Variants in FYTTD1 observed in about 807,000 individuals in gnomAD.
FYTTD1 encodes the protein UAP56-interacting factor.
In FYTTD1, 22 loss-of-function variants were observed where a neutral mutation model predicts 40.9. That is an observed-to-expected ratio of 0.54 (90% CI 0.38 to 0.77). The LOEUF is 0.77. FYTTD1 is among the 30% of genes least tolerant of loss of function. FYTTD1 has a pLI of 0.00. For missense variants in FYTTD1, 351 were observed against 392.2 expected (o/e 0.90, Z 0.89); for synonymous variants, 140 against 137.9 (o/e 1.01, Z -0.10).
chr3:197,767,259 C>A (rs1026391150), intron 2 of FYTTD1, among the ~76,000 whole-genome samples: 1 of 152,030 alleles, frequency 6.6e-6, no homozygotes, highest in African/African-American at 2.4e-5. Context: ...CTGCCTCAGC[C>A]TCCCGAGTAG....
intron 2 of FYTTD1, among the ~76,000 whole-genome samples, chr3:197,762,340 C>T (rs578176680): frequency 8.8e-4 from 129 of 146,310 alleles, no homozygotes; most frequent in Non-Finnish European, 1.7e-3. Context: ...CCTGTAATCC[C>T]AGCACTTTGG....
Position 197,783,773 on chromosome 3 carries a change from G to A in FYTTD1, c.*1864G>A, listed in dbSNP as rs1204660025. 6.6e-6 allele frequency: 1 copy of A among 152,276 alleles called. No homozygotes were observed. Among genetic ancestry groups the A allele is most frequent in the East Asian group, 1.9e-4 (1 of 5,194 alleles). The allele number at this position is 152,276 out of a possible 1,614,324, so 9.4% of individuals were successfully genotyped here. ...CTTTAGAATGGTTTGTGAAAATATGGTATAAAGGTGTTTTCATTTTCCTGT... is the reference window on the plus strand; with the variant it reads ...CTTTAGAATGGTTTGTGAAAATATGATATAAAGGTGTTTTCATTTTCCTGT... On this transcript the variant is annotated 3_prime_UTR_variant, in exon 9 of 9. Coordinates refer to ENST00000241502, the MANE Select transcript of FYTTD1 (RefSeq NM_032288.7).
Position 197,749,920 on chromosome 3 carries a change from G to C in FYTTD1, c.-52G>C. On this transcript the variant is annotated 5_prime_UTR_variant, in exon 1 of 9. Transcript: ENST00000241502. ...TGCGTGCGCGAGTGGGAGGTGGCAG[G>C]CCTGCGACTCCGGCCTTGTCCGCGC... 8.1e-7 allele frequency: 1 copy of C among 1,228,714 alleles called. No homozygotes were observed. Among genetic ancestry groups the C allele is most frequent in the East Asian group, 3.1e-5 (1 of 32,370 alleles). 76.1% of individuals were successfully genotyped at this position (1,228,714 alleles called of 1,614,324 possible). A position where few individuals can be genotyped will look rare whatever the true frequency, so the allele number is the denominator to read the frequency against.
At position 197,781,840 on chromosome 3, in the gene FYTTD1, G is replaced by A. The variant is rs771898738; in HGVS notation, c.888G>A (p.Gly296=). The change falls in exon 9 of 9, where the codon GGG becomes GGA. Residue 296 remains glycine (G), a synonymous_variant. Transcript: ENST00000241502. The stretch of plus-strand genomic sequence containing the variant: ...GGATGACGTTGAATGAGCGGTTTGG[G>A]ATCCTGAAGGAACAAAGAGCCACTC... The part of the protein sequence containing the change: ...QTGMTLNERF[G]ILKEQRATLT... 2.5e-6 allele frequency: 4 copies of A among 1,609,458 alleles called. No individual in the cohort carries two copies. The highest frequency in any genetic ancestry group is 1.7e-4 in the Middle Eastern group (1 of 6,038).
At chr3:197,768,332 A>G (rs897608735) in intron 2 of FYTTD1, 107 bp from the exon 3 acceptor site, 7 of 749,288 alleles carry the variant, frequency 9.3e-6, no homozygotes, top group Non-Finnish European at 1.4e-5. Flanking sequence ...AAATAATAAC[A>G]TAATAAATGT....
intron 4 of FYTTD1, among the ~76,000 whole-genome samples, chr3:197,771,120 T>C (rs1729703389): frequency 6.6e-6 from 1 of 152,168 alleles, no homozygotes; most frequent in Non-Finnish European, 1.5e-5. Context: ...CTTACGAGGC[T>C]GAGGCAGGAG....
At chr3:197,749,553 G>A, upstream of FYTTD1, 3 of 1,291,486 alleles carry the variant, frequency 2.3e-6, no homozygotes, top group Non-Finnish European at 3.0e-6. Flanking sequence ...CGGTGGGCGC[G>A]AAAGGCTCGT....
chr3:197,781,727 A>T lies in FYTTD1; in HGVS notation c.859-84A>T, dbSNP rs920885665. Reference sequence around the variant, plus strand: ...TACTTGTAATTAATCATAAGATCACATTATTGTTCCAAAGCAAATATGGCC... The same window carrying T: ...TACTTGTAATTAATCATAAGATCACTTTATTGTTCCAAAGCAAATATGGCC... On this transcript the variant is annotated intron_variant, in intron 8 of 8. Coordinates refer to ENST00000241502, the MANE Select transcript of FYTTD1 (RefSeq NM_032288.7). 4.4e-6 allele frequency: 4 copies of T among 904,264 alleles called. No homozygotes were observed. The African/African-American group carries it at 6.6e-5, about 15-fold the overall frequency. The allele number at this position is 904,264 out of a possible 1,614,324, so 56.0% of individuals were successfully genotyped here.
rs1468297811 is a variant in FYTTD1, at chr3:197,778,761, A to G, written c.858+297A>G. Among the ~76,000 whole-genome samples the G allele has an allele frequency of 2.6e-5, 4 of 152,206 alleles. 1 individual carries two copies. Among genetic ancestry groups the G allele is most frequent in the Admixed American group, 2.0e-4 (3 of 15,278 alleles). On this transcript the variant is annotated intron_variant, in intron 8 of 8. Coordinates refer to ENST00000241502, the MANE Select transcript of FYTTD1 (RefSeq NM_032288.7). ...TGAACAGTGTTCATCATATGTATATACCACATCTTATTTATTCCTTCATTA... is the reference window on the plus strand; with the variant it reads ...TGAACAGTGTTCATCATATGTATATGCCACATCTTATTTATTCCTTCATTA...
At chr3:197,750,168 G>A (rs1238563187) in intron 1 of FYTTD1, 94 bp downstream of exon 1, 1 of 1,010,022 alleles carries the variant, frequency 9.9e-7, no homozygotes, top group Admixed American at 3.1e-5. Context: ...GTCGGCAGCA[G>A]TTGCCGGCGG....
rs564428229 is a variant in FYTTD1 at position 197,786,921 on chromosome 3, C to G, written c.*5012C>G. Reference sequence around the variant, plus strand: ...TCAAGCAATTCTTGTCCCTCAGCCTCGTAAGTAGGTGGGATTACAAGCTTG... The same window carrying G: ...TCAAGCAATTCTTGTCCCTCAGCCTGGTAAGTAGGTGGGATTACAAGCTTG... On this transcript the variant is annotated 3_prime_UTR_variant, in exon 9 of 9. Coordinates refer to ENST00000241502, the MANE Select transcript of FYTTD1 (RefSeq NM_032288.7). The G allele has an allele frequency of 6.6e-6, 1 of 151,586 alleles. No individual in the cohort carries two copies. Among genetic ancestry groups the G allele is most frequent in the Non-Finnish European group, 1.5e-5 (1 of 67,936 alleles). 9.4% of individuals were successfully genotyped at this position (151,586 alleles called of 1,614,324 possible). A position where few individuals can be genotyped will look rare whatever the true frequency, so the allele number is the denominator to read the frequency against.
intron 6 of FYTTD1, among the ~76,000 whole-genome samples, chr3:197,775,681 A>G (rs1560500148): frequency 6.6e-6 from 1 of 152,250 alleles, no homozygotes; most frequent in Admixed American, 6.5e-5. Context: ...TATGGTGCCA[A>G]CTGTGGTGCA....
At chr3:197,769,143 A>T (rs1002291776) in intron 3 of FYTTD1, among the ~76,000 whole-genome samples, 1 of 151,410 alleles carries the variant, frequency 6.6e-6, no homozygotes, top group Non-Finnish European at 1.5e-5. Flanking sequence ...GCTGGAGTGC[A>T]GTGGTGCAAT....
At chr3:197,778,897 A>G (rs1433655955) in intron 8 of FYTTD1, among the ~76,000 whole-genome samples, 2 of 152,162 alleles carry the variant, frequency 1.3e-5, no homozygotes, top group Admixed American at 6.5e-5. Flanking sequence ...CTCCCTGGTA[A>G]ATACCTAGGA....
rs539269370 is a variant in FYTTD1, at chr3:197,783,358, G to A, written c.*1449G>A. On this transcript the variant is annotated 3_prime_UTR_variant, in exon 9 of 9. Transcript: ENST00000241502. ...TGACTTTTCCTGTAAAGCAGACATC[G>A]TTCTTGGCCTGCCCTGCATTGTATA... The A allele has an allele frequency of 3.9e-5, 6 of 152,638 alleles. No homozygotes were observed. The highest frequency in any genetic ancestry group is 3.9e-4 in the East Asian group (2 of 5,192). The allele number at this position is 152,638 out of a possible 1,614,324, so 9.5% of individuals were successfully genotyped here.
chr3:197,749,784 C>G, upstream of FYTTD1: 1 of 539,856 alleles, frequency 1.9e-6, no homozygotes, highest in Non-Finnish European at 3.4e-6. Context: ...CGAGTCACGG[C>G]GCGGGGCCGC....
Position 197,777,850 on chromosome 3 carries a change from G to A in FYTTD1, c.732-488G>A, listed in dbSNP as rs577321293. 1.2e-4 allele frequency among the ~76,000 whole-genome samples: 18 copies of A among 152,208 alleles called. No homozygotes were observed. In the South Asian group the frequency reaches 2.9e-3, roughly 25 times the overall value. On this transcript the variant is annotated intron_variant, in intron 7 of 8. Coordinates refer to ENST00000241502, the MANE Select transcript of FYTTD1 (RefSeq NM_032288.7). The stretch of plus-strand genomic sequence containing the variant: ...CTGCCTCAGCCTCCTGAGTAGCTGG[G>A]AACATAGGCATGCACCACCACACCC...
At chr3:197,779,528 A>ACTT (rs1553910242) in intron 8 of FYTTD1, among the ~76,000 whole-genome samples, 2 of 73,816 alleles carry the variant, frequency 2.7e-5, no homozygotes, top group African/African-American at 8.5e-5. Flanking sequence ...ATTCCTTAGG[A>ACTT]CTTTTTTTTT....
At chr3:197,773,032 G>A (rs773387687) in intron 4 of FYTTD1, among the ~76,000 whole-genome samples, 2 of 152,136 alleles carry the variant, frequency 1.3e-5, no homozygotes, top group Admixed American at 6.6e-5. Context: ...TACGTCTTCA[G>A]TTTGGCCTAT....
Sources: allele counts gnomAD v4.1 joint callset (sites outside exome capture counted in the v4.1 genomes callset), GRCh38; gene constraint gnomAD v4.1.1; transcripts MANE v1.5; gene names NCBI Gene and HGNC (gene_info 2026-07-23, HGNC 2026-07-21).